ULK4: variants seen among roughly 807,000 people sequenced by gnomAD.
The protein encoded by ULK4 is unc-51 like kinase 4, also known as inactive serine/threonine-protein kinase ULK4.
A neutral mutation model predicts 160.6 loss-of-function variants in ULK4; 133 were observed. The observed-to-expected ratio is 0.83, with a 90% CI of 0.72 to 0.96. The LOEUF is 0.96. ULK4 is among the 40% of genes least tolerant of loss of function. The pLI is 0.00. For synonymous variants in ULK4, 534 were observed against 539.8 expected, an observed-to-expected ratio of 0.99 and a Z score of 0.15; for missense variants, 1,580 against 1,499.5, an observed-to-expected ratio of 1.05 and a Z score of -0.89.
chr3:41,662,958 T>C (rs2035230597), intron 30 of ULK4, among the ~76,000 whole-genome samples: 1 of 151,502 alleles, frequency 6.6e-6, no homozygotes, highest in African/African-American at 2.4e-5. Flanking sequence ...GGGTGGCTCA[T>C]GACTGTAATC....
chr3:41,875,048 T>C (rs1224876862), intron 17 of ULK4, among the ~76,000 whole-genome samples: 1 of 152,096 alleles, frequency 6.6e-6, no homozygotes, highest in Non-Finnish European at 1.5e-5. Context: ...GGCATGGTGA[T>C]GTGTACCTGT....
At chr3:41,350,438 C>A (rs1361910115) in intron 35 of ULK4, among the ~76,000 whole-genome samples, 1 of 152,058 alleles carries the variant, frequency 6.6e-6, no homozygotes, top group Non-Finnish European at 1.5e-5. Context: ...CTTTTGCTAT[C>A]TTTTTAATGT....
chr3:41,566,199 G>T, intron 31 of ULK4, 69 bp from the exon 32 acceptor site: 1 of 1,359,068 alleles, frequency 7.4e-7, no homozygotes, highest in Non-Finnish European at 1.0e-6. Flanking sequence ...AGACAAATAA[G>T]CAAATGATGT....
intron 6 of ULK4, among the ~76,000 whole-genome samples, chr3:41,918,793 G>A (rs1699066628): frequency 6.6e-6 from 1 of 151,822 alleles, no homozygotes. Context: ...AGTAGAGATG[G>A]GGTTTCACCG....
intron 17 of ULK4, among the ~76,000 whole-genome samples, chr3:41,844,790 T>C (rs75077784): frequency 8.0e-6 from 1 of 125,088 alleles, no homozygotes; most frequent in African/African-American, 2.9e-5. Context: ...GAGGTTTTTC[T>C]AAAAAAAAAA....
intron 3 of ULK4, chr3:41,937,014 T>A: frequency 3.7e-6 from 1 of 267,160 alleles, no homozygotes; most frequent in Non-Finnish European, 7.0e-6. Flanking sequence ...CTATCTCATG[T>A]GCCCCATAAA....
intron 12 of ULK4, among the ~76,000 whole-genome samples, chr3:41,902,199 G>T (rs189029043): frequency 6.6e-6 from 1 of 152,174 alleles, no homozygotes; most frequent in Non-Finnish European, 1.5e-5. Flanking sequence ...GAGTGAGGAA[G>T]GGGCATGGAT....
At chr3:41,639,000 C>G (rs17059813) in intron 30 of ULK4, among the ~76,000 whole-genome samples, 1 of 152,040 alleles carries the variant, frequency 6.6e-6, no homozygotes, top group South Asian at 2.1e-4. Context: ...CAAAAGAAAG[C>G]GTAAATATTA....
intron 32 of ULK4, among the ~76,000 whole-genome samples, chr3:41,565,604 A>G (rs925143824): frequency 3.3e-5 from 5 of 152,208 alleles, no homozygotes; most frequent in African/African-American, 1.2e-4. Flanking sequence ...TGGACTCTGC[A>G]AAGAGTCTCC....
intron 12 of ULK4, among the ~76,000 whole-genome samples, chr3:41,906,573 T>C (rs551366093): frequency 1.3e-5 from 2 of 151,970 alleles, no homozygotes; most frequent in Admixed American, 1.3e-4. Flanking sequence ...ACACAGCAAT[T>C]CCACTCCCAA....
chr3:41,261,295 T>C (rs1489542376), intron 35 of ULK4, among the ~76,000 whole-genome samples: 1 of 152,144 alleles, frequency 6.6e-6, no homozygotes, highest in Non-Finnish European at 1.5e-5. Flanking sequence ...AAACATATAA[T>C]TTTCTTTTTG....
intron 29 of ULK4, among the ~76,000 whole-genome samples, chr3:41,668,056 C>T (rs940797650): frequency 2.0e-5 from 3 of 152,088 alleles, no homozygotes; most frequent in African/African-American, 7.2e-5. Flanking sequence ...TGTGATGAAA[C>T]AATTGGTCAA....
intron 32 of ULK4, among the ~76,000 whole-genome samples, chr3:41,506,807 T>TATATATATATATATATATAC (rs1559658299): frequency 5.4e-5 from 6 of 110,694 alleles, no homozygotes; most frequent in African/African-American, 2.1e-4. Flanking sequence ...TATATATATA[T>TATATATATATATATATATAC]GAACATGTTT....
rs566273899 is a variant in ULK4 at position 41,466,740 on chromosome 3, ATTC to A, written c.3227-3490_3227-3488del. ...AGGAAGCCAAAGAATAGGAAAAAAT[ATTC>A]TTCTCTTTTTCTACATGTATATATG... On this transcript the variant is annotated intron_variant, in intron 32 of 36. Coordinates refer to ENST00000301831, the MANE Select transcript of ULK4 (RefSeq NM_017886.4). Among the ~76,000 whole-genome samples the A allele has an allele frequency of 4.2e-3, 637 of 152,296 alleles. 6 individuals are homozygous for A. Among genetic ancestry groups the A allele is most frequent in the African/African-American group, 0.011 (440 of 41,568 alleles).
rs376680888 is a variant in ULK4, at chr3:41,846,826, C to T, written c.1657-10855G>A. Among the ~76,000 whole-genome samples the T allele has an allele frequency of 8.1e-4, 114 of 140,720 alleles. 1 individual carries two copies. Among genetic ancestry groups the T allele is most frequent in the Middle Eastern group, 7.8e-3 (2 of 258 alleles). The allele number at this position is 140,720 out of a possible 152,430, so 92.3% of individuals were successfully genotyped here. A position where few individuals can be genotyped will look rare whatever the true frequency, so the allele number is the denominator to read the frequency against. On this transcript the variant is annotated intron_variant, in intron 17 of 36. Coordinates refer to ENST00000301831, the MANE Select transcript of ULK4 (RefSeq NM_017886.4). The stretch of plus-strand genomic sequence containing the variant: ...TCTCTCAAAAAAAAAAAAAAAAAAT[C>T]TTACCATTGAAACTAAAAGATAAAA...
chr3:41,608,677 G>A (rs530509109), intron 31 of ULK4, among the ~76,000 whole-genome samples: 69 of 152,272 alleles, frequency 4.5e-4, no homozygotes, highest in African/African-American at 1.6e-3. Context: ...ACACAAGCCT[G>A]AAACCAAAGT....
At chr3:41,255,565 A>C in intron 35 of ULK4, among the ~76,000 whole-genome samples, 1 of 152,236 alleles carries the variant, frequency 6.6e-6, no homozygotes, top group East Asian at 1.9e-4. Context: ...TAACCCAAGA[A>C]AGTTGGCATA....
At chr3:41,652,760 C>T (rs764832259) in intron 30 of ULK4, among the ~76,000 whole-genome samples, 5 of 152,110 alleles carry the variant, frequency 3.3e-5, no homozygotes, top group Non-Finnish European at 7.4e-5. Context: ...TTGGACTGTT[C>T]TTATAAGTGT....
At chr3:41,429,723 A>G (rs925254369) in intron 34 of ULK4, among the ~76,000 whole-genome samples, 8 of 150,784 alleles carry the variant, frequency 5.3e-5, no homozygotes, top group African/African-American at 1.9e-4. Flanking sequence ...GGAACAACAC[A>G]TACTGGGGCC....
Sources: allele counts gnomAD v4.1 joint callset (sites outside exome capture counted in the v4.1 genomes callset), GRCh38; gene constraint gnomAD v4.1.1; transcripts MANE v1.5; gene names NCBI Gene and HGNC (gene_info 2026-07-23, HGNC 2026-07-21).